ACTR3C: variants seen among roughly 807,000 people sequenced by gnomAD.
ACTR3C encodes actin-related protein 3C.
ACTR3C carries 18 observed loss-of-function variants against 26.3 expected under a neutral mutation model. That is an observed-to-expected ratio of 0.68 (90% confidence interval 0.47 to 1.01). ACTR3C has a LOEUF of 1.01. ACTR3C is among the 50% of genes least tolerant of loss of function. The probability of loss-of-function intolerance (pLI) is 0.00; values close to 1 mark genes in which losing one functional copy is unlikely to be tolerated. For missense variants in ACTR3C, 184 were observed against 250.7 expected, an observed-to-expected ratio of 0.73 and a Z score of 1.80; for synonymous variants, 55 against 94.5, an observed-to-expected ratio of 0.58 and a Z score of 2.42.
the ACTR3C span, among the ~76,000 whole-genome samples, chr7:150,103,971 A>G: frequency 2.6e-5 from 4 of 152,036 alleles, no homozygotes; most frequent in Admixed American, 6.6e-5. Flanking sequence ...CGATTTAAAC[A>G]TTCGACAACA....
At chr7:149,885,201 G>A in the ACTR3C span, among the ~76,000 whole-genome samples, 1 of 152,100 alleles carries the variant, frequency 6.6e-6, no homozygotes, top group East Asian at 1.9e-4. Flanking sequence ...TGAAACCACT[G>A]CCCTAGAACC....
intron 1 of ACTR3C, among the ~76,000 whole-genome samples, chr7:150,299,486 A>AAC (rs1795244472): frequency 1.4e-5 from 2 of 143,926 alleles, no homozygotes; most frequent in Non-Finnish European, 3.0e-5. Context: ...AAAAAAAAAA[A>AAC]AAAAAAAACA....
the ACTR3C span, among the ~76,000 whole-genome samples, chr7:150,135,070 A>C: frequency 6.6e-6 from 1 of 152,244 alleles, no homozygotes; most frequent in African/African-American, 2.4e-5. Flanking sequence ...CTGGGATTAC[A>C]GGTGTGAGCC....
At chr7:150,220,973 G>A in the ACTR3C span, among the ~76,000 whole-genome samples, 1 of 152,292 alleles carries the variant, frequency 6.6e-6, no homozygotes, top group Non-Finnish European at 1.5e-5. Flanking sequence ...AATCTTCCCG[G>A]GATGGTCGGG....
At chr7:150,072,618 T>C in the ACTR3C span, among the ~76,000 whole-genome samples, 1 of 150,588 alleles carries the variant, frequency 6.6e-6, no homozygotes, top group Non-Finnish European at 1.5e-5. Flanking sequence ...CAAAGCACCA[T>C]GCAGTGGTCT....
chr7:150,171,788 A>G, the ACTR3C span, among the ~76,000 whole-genome samples: 1 of 146,912 alleles, frequency 6.8e-6, no homozygotes, highest in Non-Finnish European at 1.5e-5. Flanking sequence ...TTAAAAATAA[A>G]AGAGGTGGCA....
chr7:150,110,292 A>G, the ACTR3C span, among the ~76,000 whole-genome samples: 4 of 151,866 alleles, frequency 2.6e-5, no homozygotes, highest in Non-Finnish European at 5.9e-5. Context: ...TTGAGCATTT[A>G]AATTGTTCTC....
At chr7:150,009,812 G>C in the ACTR3C span, among the ~76,000 whole-genome samples, 46 of 152,232 alleles carry the variant, frequency 3.0e-4, no homozygotes, top group Non-Finnish European at 5.7e-4. Flanking sequence ...AAGGTCCCTA[G>C]CCTGCGGCTA....
intron 6 of ACTR3C, among the ~76,000 whole-genome samples, chr7:150,278,536 C>T (rs976243749): frequency 2.0e-5 from 3 of 152,226 alleles, no homozygotes; most frequent in Non-Finnish European, 2.9e-5. Flanking sequence ...GCTCAGCACC[C>T]GCGGTGGGAC....
At chr7:149,911,278 T>TA in the ACTR3C span, among the ~76,000 whole-genome samples, 1 of 151,000 alleles carries the variant, frequency 6.6e-6, no homozygotes, top group African/African-American at 2.4e-5. Context: ...CAGAAATCAC[T>TA]AAAATCATCA....
chr7:150,035,717 T>C, the ACTR3C span, among the ~76,000 whole-genome samples: 3 of 91,398 alleles, frequency 3.3e-5, 1 homozygote, highest in Admixed American at 3.0e-4. Flanking sequence ...AGCCAGGGGG[T>C]GAAGATGGTC....
At chr7:150,164,075 G>A in the ACTR3C span, among the ~76,000 whole-genome samples, 2 of 152,048 alleles carry the variant, frequency 1.3e-5, no homozygotes, top group South Asian at 4.2e-4. Flanking sequence ...ACATTGGGAC[G>A]CCCACGTGTC....
chr7:150,063,331 G>C, the ACTR3C span, among the ~76,000 whole-genome samples: 1 of 151,580 alleles, frequency 6.6e-6, no homozygotes, highest in Non-Finnish European at 1.5e-5. Context: ...GGATAAGGCT[G>C]CCATGAGGTC....
chr7:150,294,583 G>T (rs1014639685), intron 2 of ACTR3C, among the ~76,000 whole-genome samples: 1 of 152,240 alleles, frequency 6.6e-6, no homozygotes, highest in Non-Finnish European at 1.5e-5. Flanking sequence ...GGACTGTGCT[G>T]ATAGGCACTG....
chr7:150,107,194 G>A, the ACTR3C span, among the ~76,000 whole-genome samples: 12 of 147,352 alleles, frequency 8.1e-5, 2 homozygotes, highest in Admixed American at 2.7e-4. Context: ...GATACATCAC[G>A]AAGAATACAA....
At chr7:150,193,317 G>A in the ACTR3C span, among the ~76,000 whole-genome samples, 1 of 150,102 alleles carries the variant, frequency 6.7e-6, no homozygotes, top group Non-Finnish European at 1.5e-5. Flanking sequence ...TTTTCTCTTG[G>A]TGAGTTCAGT....
At chr7:150,119,571 C>G in the ACTR3C span, among the ~76,000 whole-genome samples, 1 of 150,966 alleles carries the variant, frequency 6.6e-6, no homozygotes, top group Admixed American at 6.6e-5. Context: ...CAGGAGCACC[C>G]AGATTCATAA....
At chr7:150,301,638 G>A (rs947213002) in intron 1 of ACTR3C, among the ~76,000 whole-genome samples, 8 of 151,988 alleles carry the variant, frequency 5.3e-5, no homozygotes, top group African/African-American at 1.9e-4. Context: ...TTATATGAAA[G>A]CTTCCAGAGA....
At chr7:150,316,736 G>A (rs1444803677) in intron 1 of ACTR3C, among the ~76,000 whole-genome samples, 12 of 151,940 alleles carry the variant, frequency 7.9e-5, no homozygotes, top group Admixed American at 7.2e-4. Context: ...TGCCCACTTC[G>A]GCCTTCCGAA....
Sources: allele counts gnomAD v4.1 joint callset (sites outside exome capture counted in the v4.1 genomes callset), GRCh38; gene constraint gnomAD v4.1.1; transcripts MANE v1.5; gene names NCBI Gene and HGNC (gene_info 2026-07-23, HGNC 2026-07-21).